Variants in GYS1 observed in about 807,000 individuals in gnomAD.
GYS1 encodes the protein glycogen synthase 1.
Under a neutral mutation model 89.1 loss-of-function variants are expected in GYS1, and 60 were observed. That is an observed-to-expected ratio of 0.67 (90% CI 0.55 to 0.84). The LOEUF is 0.84. Ranked by LOEUF, GYS1 falls within the 40% of genes least tolerant of loss-of-function variation. GYS1 has a pLI of 0.00. For missense variants in GYS1, 888 were observed against 1,003.1 expected (o/e 0.89, Z 1.55); for synonymous variants, 366 against 401.7 (o/e 0.91, Z 1.06).
intron 12 of GYS1, among the ~76,000 whole-genome samples, chr19:48,971,873 T>C (rs1444815016): frequency 6.6e-6 from 1 of 151,028 alleles, no homozygotes; most frequent in Non-Finnish European, 1.5e-5. Context: ...TTTTTTTTTT[T>C]TTTCTCGAGA....
chr19:48,980,780 G>C (rs1600142102), intron 8 of GYS1, among the ~76,000 whole-genome samples: 1 of 152,044 alleles, frequency 6.6e-6, no homozygotes, highest in South Asian at 2.1e-4. Flanking sequence ...AGGTGTTCAA[G>C]ATCAGCCTGG....
chr19:48,984,842 C>T (rs1355615629), intron 5 of GYS1, among the ~76,000 whole-genome samples: 14 of 151,974 alleles, frequency 9.2e-5, no homozygotes, highest in Admixed American at 8.5e-4. Flanking sequence ...GATAGCGCCA[C>T]TGCACTCCAG....
At chr19:48,981,719 G>A (rs1362343493) in intron 7 of GYS1, 83 bp from the exon 8 acceptor site, 1 of 844,318 alleles carries the variant, frequency 1.2e-6, no homozygotes, top group Non-Finnish European at 2.0e-6. Flanking sequence ...AGACCACTGG[G>A]ATCCTGCCAT....
At chr19:48,974,144 C>T in intron 12 of GYS1, 69 bp downstream of exon 12, 1 of 1,515,708 alleles carries the variant, frequency 6.6e-7, no homozygotes, top group Non-Finnish European at 9.0e-7. Context: ...AGGCCAGTGC[C>T]TCGCCCCAAG....
intron 6 of GYS1, 93 bp from the exon 7 acceptor site, chr19:48,982,468 G>T: frequency 1.4e-6 from 2 of 1,453,938 alleles, no homozygotes; most frequent in Non-Finnish European, 1.9e-6. Flanking sequence ...GGGTGGGGGG[G>T]CAGAGGATGT....
At chr19:48,986,077 G>A in intron 3 of GYS1, 42 bp from the exon 4 acceptor site, 1 of 1,593,090 alleles carries the variant, frequency 6.3e-7, no homozygotes, top group Middle Eastern at 1.7e-4. Context: ...CACGAGTGTT[G>A]GGAAAAGAAT....
chr19:48,976,735 G>A (rs1370306996), intron 10 of GYS1, among the ~76,000 whole-genome samples: 3 of 152,110 alleles, frequency 2.0e-5, no homozygotes, highest in Admixed American at 6.6e-5. Flanking sequence ...TTTTATGGCT[G>A]TCTTGACCTT....
chr19:48,970,966 C>T lies in GYS1; in HGVS notation c.1607G>A (p.Cys536Tyr). 1 of 1,614,096 alleles carries T rather than the reference C, an allele frequency of 6.2e-7. No homozygotes were observed. The highest frequency in any genetic ancestry group is 1.1e-5 in the South Asian group (1 of 91,080). ...SISTNLSGFG[C>Y]FMEEHIADPS... ...GTCTGCGATGTGTTCCTCCATGAAG[C>T]AGCCGAAGCCGGAGAGATTGGTGGA... Residue 536 changes from cysteine (C) to tyrosine (Y), a missense_variant, in exon 13 of 16, where the codon TGC becomes TAC. Cys to Tyr is a radical substitution (Grantham distance 194). Coordinates refer to ENST00000323798, the MANE Select transcript of GYS1 (RefSeq NM_002103.5).
At chr19:48,992,666 G>A (rs2122547676) in intron 1 of GYS1, among the ~76,000 whole-genome samples, 1 of 152,158 alleles carries the variant, frequency 6.6e-6, no homozygotes, top group East Asian at 1.9e-4. Context: ...AGGTTTGCAC[G>A]CAGAAATCCC....
chr19:48,978,213 G>A lies in GYS1; in HGVS notation c.1170-56C>T. On this transcript the variant is annotated intron_variant, in intron 8 of 15. Transcript: ENST00000323798. ...CACACCAGCTGCCATTTACTGTTAGGCTTCTTTAGTTAGTTTGTTTGTTTA... is the reference window on the plus strand; with the variant it reads ...CACACCAGCTGCCATTTACTGTTAGACTTCTTTAGTTAGTTTGTTTGTTTA... 2.2e-6 allele frequency: 3 copies of A among 1,392,462 alleles called. No individual in the cohort carries two copies. The East Asian group carries it at 6.8e-5, about 32-fold the overall frequency. The allele number at this position is 1,392,462 out of a possible 1,614,324, so 86.3% of individuals were successfully genotyped here.
At chr19:48,980,219 C>T (rs989253276) in intron 8 of GYS1, among the ~76,000 whole-genome samples, 14 of 152,198 alleles carry the variant, frequency 9.2e-5, no homozygotes, top group Non-Finnish European at 1.8e-4. Context: ...GGGCTTGCTC[C>T]CTCGTCACCT....
At chr19:48,980,417 C>T (rs1417004590) in intron 8 of GYS1, among the ~76,000 whole-genome samples, 1 of 152,140 alleles carries the variant, frequency 6.6e-6, no homozygotes, top group Non-Finnish European at 1.5e-5. Flanking sequence ...ACCTGGAATA[C>T]ATGAGGAGGG....
intron 7 of GYS1, 92 bp downstream of exon 7, chr19:48,982,163 G>T: frequency 1.5e-6 from 2 of 1,347,792 alleles, no homozygotes; most frequent in Non-Finnish European, 2.1e-6. Flanking sequence ...AAAGTGTTGG[G>T]ATTACAGGTG....
chr19:48,981,675 G>A (rs376165364), intron 7 of GYS1, 39 bp from the exon 8 acceptor site: 23 of 1,309,524 alleles, frequency 1.8e-5, no homozygotes, highest in Non-Finnish European at 2.5e-5. Context: ...AGGATCATGT[G>A]GGGGAAGCCT....
At chr19:48,975,911 C>CAAAAAAAAAAAAAAA (rs760164673) in intron 10 of GYS1, among the ~76,000 whole-genome samples, 1 of 41,368 alleles carries the variant, frequency 2.4e-5, no homozygotes. Flanking sequence ...GACTCCGTCT[C>CAAAAAAAAAAAAAAA]AAAAAAAAAA....
chr19:48,974,424 G>T, intron 11 of GYS1, 85 bp from the exon 12 acceptor site: 2 of 1,454,024 alleles, frequency 1.4e-6, no homozygotes, highest in Non-Finnish European at 1.9e-6. Flanking sequence ...AGGGTAAAAA[G>T]CTTGTCTAGC....
rs769866924 is a variant in GYS1 at position 48,985,956 on chromosome 19, C to T, written c.572G>A (p.Cys191Tyr). 6.2e-7 allele frequency: 1 copy of T among 1,614,196 alleles called. No homozygotes were observed. Among genetic ancestry groups the T allele is most frequent in the South Asian group, 1.1e-5 (1 of 91,088 alleles). Residue 191 changes from cysteine to tyrosine, a missense_variant, in exon 4 of 16, where the codon TGT becomes TAT. Physicochemically the swap from Cys to Tyr is radical, Grantham distance 194. Coordinates refer to ENST00000323798, the MANE Select transcript of GYS1 (RefSeq NM_002103.5). The stretch of plus-strand genomic sequence containing the variant: ...TGCTACAGGCAGTCGCCGGGCACGA[C>T]ACAGGCAGAGTCCAACGCCTGCCAA... ...EWLAGVGLCL[C>Y]RARRLPVATI...
chr19:48,984,549 C>G (rs952936084), intron 5 of GYS1, among the ~76,000 whole-genome samples: 1 of 151,682 alleles, frequency 6.6e-6, no homozygotes, highest in Non-Finnish European at 1.5e-5. Flanking sequence ...GCACCCACCA[C>G]CACGCCCGGC....
At chr19:48,969,747 G>C (rs374227190) in intron 15 of GYS1, 28 bp downstream of exon 15, 1 of 1,607,966 alleles carries the variant, frequency 6.2e-7, no homozygotes, top group African/African-American at 1.3e-5. Flanking sequence ...TTAGCTCCTG[G>C]CTAAGCAGAA....
Sources: allele counts gnomAD v4.1 joint callset (sites outside exome capture counted in the v4.1 genomes callset), GRCh38; gene constraint gnomAD v4.1.1; transcripts MANE v1.5; gene names NCBI Gene and HGNC (gene_info 2026-07-23, HGNC 2026-07-21).